RALB: variants seen among roughly 807,000 people sequenced by gnomAD.
RALB encodes the protein ras-related protein Ral-B.
A neutral mutation model predicts 21.3 loss-of-function variants in RALB; 16 were observed. The ratio of observed to expected loss-of-function variants is 0.75; its 90% CI spans 0.51 to 1.14. The LOEUF is 1.14. Among genes scored for constraint, RALB ranks in the 50% most tolerant of loss-of-function variants. The pLI is 0.00. For missense variants in RALB, 161 were observed against 256.2 expected, an observed-to-expected ratio of 0.63 and a Z score of 2.54; for synonymous variants, 93 against 96.1, an observed-to-expected ratio of 0.97 and a Z score of 0.19.
upstream of RALB, among the ~76,000 whole-genome samples, chr2:120,252,248 A>G (rs1170707567): frequency 6.6e-6 from 1 of 151,856 alleles, no homozygotes. Context: ...CCTCGAGGCT[A>G]TGGCTGGGGT....
intron 1 of RALB, chr2:120,253,300 T>C: frequency 1.3e-6 from 1 of 782,786 alleles, no homozygotes; most frequent in Non-Finnish European, 1.6e-6. Flanking sequence ...GCCGCGGGCC[T>C]CCCGCTCGGG....
At chr2:120,284,617 C>G (rs748701950) in intron 2 of RALB, among the ~76,000 whole-genome samples, 2 of 152,160 alleles carry the variant, frequency 1.3e-5, no homozygotes, top group Non-Finnish European at 2.9e-5. Flanking sequence ...CCAGGCTGGT[C>G]TCGAACTCCT....
chr2:120,253,915 G>A (rs1014673854), intron 1 of RALB, among the ~76,000 whole-genome samples: 1 of 152,146 alleles, frequency 6.6e-6, no homozygotes, highest in African/African-American at 2.4e-5. Flanking sequence ...GATGGATGGT[G>A]GGCATGGAGT....
chr2:120,251,190 T>C (rs1689048513), upstream of RALB, among the ~76,000 whole-genome samples: 2 of 152,206 alleles, frequency 1.3e-5, no homozygotes, highest in South Asian at 4.1e-4. Context: ...GGTAGGCTGC[T>C]GCAGCTGCTC....
intron 1 of RALB, among the ~76,000 whole-genome samples, chr2:120,262,371 CAG>C (rs1379323967): frequency 6.6e-6 from 1 of 152,116 alleles, no homozygotes; most frequent in African/African-American, 2.4e-5. Flanking sequence ...ACCCAGGTCT[CAG>C]AGCTAGAAGG....
At chr2:120,274,997 G>A (rs931781164) in intron 1 of RALB, among the ~76,000 whole-genome samples, 1 of 152,196 alleles carries the variant, frequency 6.6e-6, no homozygotes, top group Admixed American at 6.5e-5. Context: ...GAGAGGTTTC[G>A]TTTAGCATTG....
chr2:120,264,599 A>G (rs1689453515), intron 1 of RALB, among the ~76,000 whole-genome samples: 1 of 152,224 alleles, frequency 6.6e-6, no homozygotes, highest in African/African-American at 2.4e-5. Context: ...TTCTGGTAAA[A>G]TGTACATAAG....
chr2:120,270,891 G>T (rs2104616254), intron 1 of RALB, among the ~76,000 whole-genome samples: 1 of 151,864 alleles, frequency 6.6e-6, no homozygotes, highest in Middle Eastern at 3.4e-3. Context: ...CAAATATTAT[G>T]ATTATGGCCT....
intron 2 of RALB, 149 bp downstream of exon 2, chr2:120,278,927 G>T (rs1035875899): frequency 4.9e-6 from 3 of 610,542 alleles, no homozygotes; most frequent in African/African-American, 3.8e-5. Context: ...TCCTAGGAAG[G>T]TCTAATCAGC....
chr2:120,259,397 C>CCACA (rs1689287874), intron 1 of RALB, among the ~76,000 whole-genome samples: 1 of 152,200 alleles, frequency 6.6e-6, no homozygotes, highest in Admixed American at 6.5e-5. Flanking sequence ...TACAGAGTTT[C>CCACA]CACACACAGG....
chr2:120,263,044 G>A (rs548813302), intron 1 of RALB, among the ~76,000 whole-genome samples: 3 of 152,334 alleles, frequency 2.0e-5, no homozygotes, highest in African/African-American at 7.2e-5. Flanking sequence ...GGACAAGGGG[G>A]ACTGCGTCTG....
intron 1 of RALB, among the ~76,000 whole-genome samples, chr2:120,245,966 T>C (rs1688963358): frequency 6.6e-6 from 1 of 152,176 alleles, no homozygotes; most frequent in Non-Finnish European, 1.5e-5. Context: ...CGCATTTTAA[T>C]GGTTTGGTGG....
intron 1 of RALB, among the ~76,000 whole-genome samples, chr2:120,269,526 C>T (rs1390781628): frequency 6.6e-6 from 1 of 152,136 alleles, no homozygotes; most frequent in Admixed American, 6.5e-5. Context: ...TTTTAGAGAG[C>T]ACTGATTGGT....
intron 3 of RALB, among the ~76,000 whole-genome samples, chr2:120,286,967 C>T (rs749491939): frequency 6.1e-5 from 5 of 81,808 alleles, no homozygotes; most frequent in Non-Finnish European, 1.3e-4. Context: ...GTCTCTTTAC[C>T]CCATGCCCTT....
chr2:120,254,949 T>C (rs1240699492), intron 1 of RALB, among the ~76,000 whole-genome samples: 2 of 152,230 alleles, frequency 1.3e-5, no homozygotes, highest in African/African-American at 4.8e-5. Flanking sequence ...GTGCTGGGGA[T>C]CACAGGTGTG....
At position 120,266,527 on chromosome 2, in the gene RALB, G is replaced by A. The variant is rs1387451838; in HGVS notation, c.-47-12091G>A. ...CTCCCAAAGTGCTGGGATTACAGGCGTGAGCCACTGTGCCCTGCCAAAATT... is the reference window on the plus strand; with the variant it reads ...CTCCCAAAGTGCTGGGATTACAGGCATGAGCCACTGTGCCCTGCCAAAATT... On this transcript the variant is annotated intron_variant, in intron 1 of 4. Coordinates refer to ENST00000272519, the MANE Select transcript of RALB (RefSeq NM_002881.3). 3.9e-5 allele frequency among the ~76,000 whole-genome samples: 6 copies of A among 152,228 alleles called. No individual in the cohort carries two copies. In the East Asian group the frequency reaches 9.7e-4, roughly 25 times the overall value.
At chr2:120,240,279 TTATTTTTATTTTTA>T (rs1688871555) in intron 1 of RALB, among the ~76,000 whole-genome samples, 1 of 140,142 alleles carries the variant, frequency 7.1e-6, no homozygotes, top group African/African-American at 3.1e-5. Context: ...TGCTACTTTT[TTATTTTTATTTTTA>T]TTTTTTTTTG....
chr2:120,281,718 C>T (rs977588530), intron 2 of RALB, among the ~76,000 whole-genome samples: 1 of 152,196 alleles, frequency 6.6e-6, no homozygotes, highest in East Asian at 1.9e-4. Context: ...GTTGGGAGAT[C>T]TGCATCTGCT....
At chr2:120,259,781 C>T (rs193084495) in intron 1 of RALB, among the ~76,000 whole-genome samples, 1,965 of 152,350 alleles carry the variant, frequency 0.013, 42 homozygotes, top group African/African-American at 0.045. Context: ...GTCGATGGGA[C>T]TGGGCGCCGT....
Sources: gnomAD v4.1 joint callset for allele counts (sites outside exome capture counted in the v4.1 genomes callset) on GRCh38, gnomAD v4.1.1 for gene constraint, MANE v1.5 for transcripts, NCBI Gene and HGNC (gene_info 2026-07-23, HGNC 2026-07-21) for gene names.